Variants in PPP1R37 observed in about 807,000 individuals in gnomAD.
The protein encoded by PPP1R37 is leucine rich repeat containing 68.
A neutral mutation model predicts 61.0 loss-of-function variants in PPP1R37; 21 were observed. The observed-to-expected ratio is 0.34, with a 90% CI of 0.24 to 0.50. The LOEUF is 0.50. Ranked by LOEUF, PPP1R37 falls within the 20% of genes least tolerant of loss-of-function variation. PPP1R37 has a pLI of 0.98. For missense variants in PPP1R37, 910 were observed against 952.7 expected, an observed-to-expected ratio of 0.96 and a Z score of 0.59; for synonymous variants, 443 against 433.5, an observed-to-expected ratio of 1.02 and a Z score of -0.27.
intron 1 of PPP1R37, among the ~76,000 whole-genome samples, chr19:45,134,982 G>A (rs989774813): frequency 6.6e-6 from 1 of 152,174 alleles, no homozygotes; most frequent in Non-Finnish European, 1.5e-5. Context: ...GGGCACGGTG[G>A]CTCACGCCTG....
chr19:45,115,331 A>G (rs1306308215), intron 1 of PPP1R37, among the ~76,000 whole-genome samples: 1 of 152,192 alleles, frequency 6.6e-6, no homozygotes, highest in Non-Finnish European at 1.5e-5. Context: ...CATGGGGTCC[A>G]CCAACCAGAT....
At chr19:45,117,563 C>T (rs921882387) in intron 1 of PPP1R37, among the ~76,000 whole-genome samples, 2 of 152,106 alleles carry the variant, frequency 1.3e-5, no homozygotes, top group East Asian at 1.9e-4. Context: ...CTGCACAGGA[C>T]GTGGGTTTTC....
intron 1 of PPP1R37, among the ~76,000 whole-genome samples, chr19:45,096,312 A>G (rs1187983407): frequency 2.6e-5 from 4 of 152,124 alleles, no homozygotes; most frequent in African/African-American, 9.7e-5. Flanking sequence ...GAGGGCAGCA[A>G]GAGAGTCTGG....
At chr19:45,113,284 A>G (rs2030639746) in intron 1 of PPP1R37, among the ~76,000 whole-genome samples, 1 of 152,222 alleles carries the variant, frequency 6.6e-6, no homozygotes, top group African/African-American at 2.4e-5. Context: ...TTAGGGCTGT[A>G]TGGGGGCCAC....
chr19:45,103,786 A>G (rs573330580), intron 1 of PPP1R37, among the ~76,000 whole-genome samples: 30 of 152,244 alleles, frequency 2.0e-4, no homozygotes, highest in Non-Finnish European at 2.8e-4. Flanking sequence ...CTTTACATGC[A>G]TCGTTAATCT....
At chr19:45,100,638 C>A (rs147733185) in intron 1 of PPP1R37, among the ~76,000 whole-genome samples, 1 of 152,340 alleles carries the variant, frequency 6.6e-6, no homozygotes, top group East Asian at 1.9e-4. Flanking sequence ...CCCTGTGCGG[C>A]GGCTGAGTGC....
chr19:45,120,696 C>T (rs10408462), intron 1 of PPP1R37, among the ~76,000 whole-genome samples: 5,200 of 152,220 alleles, frequency 0.034, 302 homozygotes, highest in African/African-American at 0.12. Context: ...GGCGCTGTCT[C>T]ATTGCAACAT....
At chr19:45,145,018 G>C in intron 9 of PPP1R37, 23 bp downstream of exon 9, 2 of 1,523,430 alleles carry the variant, frequency 1.3e-6, no homozygotes, top group Non-Finnish European at 1.8e-6. Flanking sequence ...GCCGGGCCAG[G>C]GTGCGGGCTG....
intron 2 of PPP1R37, among the ~76,000 whole-genome samples, chr19:45,139,767 T>G (rs1259379060): frequency 1.3e-5 from 2 of 152,230 alleles, no homozygotes; most frequent in African/African-American, 2.4e-5. Flanking sequence ...AGGTGATGTG[T>G]GTAAGCTCAG....
Position 45,145,579 on chromosome 19 carries a change from A to T in PPP1R37, c.1523A>T (p.Asp508Val). The T allele has an allele frequency of 6.5e-7, 1 of 1,535,650 alleles. No individual in the cohort carries two copies. The highest frequency in any genetic ancestry group is 1.7e-4 in the Middle Eastern group (1 of 5,988). Residue 508 changes from aspartate (D) to valine (V), a missense_variant, in exon 11 of 13, where the codon GAC (aspartate) becomes GTC (valine). Physicochemically the swap from Asp to Val is radical, Grantham distance 152. Around this residue, in one of 3 missense-constraint regions of PPP1R37, gnomAD observed 549 missense variants for 505.1 expected, o/e 1.09. Coordinates refer to ENST00000221462, the MANE Select transcript of PPP1R37 (RefSeq NM_019121.2). ...GCACCCAGCCCGGACTCAGACTCAG[A>T]CTCGGACTCGGATGGGGAGGAAGAG... is the stretch of plus-strand genomic sequence containing the variant. ...SPAPSPDSDS[D>V]SDSDGEEEEE...
chr19:45,112,793 C>G (rs1020810961), intron 1 of PPP1R37, among the ~76,000 whole-genome samples: 3 of 152,172 alleles, frequency 2.0e-5, no homozygotes, highest in African/African-American at 7.2e-5. Context: ...CTGTTTCCAG[C>G]ATGACCCTGC....
intron 2 of PPP1R37, 90 bp downstream of exon 2, chr19:45,138,701 C>T (rs1968569331): frequency 1.3e-6 from 1 of 769,240 alleles, no homozygotes. Flanking sequence ...GCCTCCCACT[C>T]CCCAGCCCCA....
chr19:45,146,454 C>T lies in PPP1R37; in HGVS notation c.2058C>T (p.Ser686=), dbSNP rs565167696. ...EELLLEASQE[S]GQETL ...TGCTTCTGGAAGCCAGTCAGGAATC[C>T]GGGCAGGAGACACTGTGACACTTTA... is the stretch of plus-strand genomic sequence containing the variant. The change falls in exon 12 of 13, where the codon TCC becomes TCT. Residue 686 remains serine, a synonymous_variant. Coordinates refer to ENST00000221462, the MANE Select transcript of PPP1R37 (RefSeq NM_019121.2). 37 of 1,535,752 alleles carry T rather than the reference C, an allele frequency of 2.4e-5. No homozygotes were observed. The highest frequency in any genetic ancestry group is 2.8e-5 in the Non-Finnish European group (32 of 1,146,728).
chr19:45,133,166 C>T (rs553701206), intron 1 of PPP1R37, among the ~76,000 whole-genome samples: 4 of 152,304 alleles, frequency 2.6e-5, no homozygotes, highest in African/African-American at 9.6e-5. Context: ...CAACCTCCAC[C>T]TCCACCTCCC....
At chr19:45,097,648 G>T (rs1281719295) in intron 1 of PPP1R37, among the ~76,000 whole-genome samples, 2 of 152,062 alleles carry the variant, frequency 1.3e-5, no homozygotes, top group Non-Finnish European at 2.9e-5. Flanking sequence ...GGCTTATCCG[G>T]ATTCCCATCT....
intron 1 of PPP1R37, among the ~76,000 whole-genome samples, chr19:45,124,229 T>C (rs561223764): frequency 6.6e-6 from 1 of 152,064 alleles, no homozygotes; most frequent in Admixed American, 6.5e-5. Flanking sequence ...GGAGAAGGCA[T>C]CCCTAAGCTG....
At chr19:45,094,238 C>T (rs1600151845) in intron 1 of PPP1R37, among the ~76,000 whole-genome samples, 2 of 152,250 alleles carry the variant, frequency 1.3e-5, no homozygotes, top group East Asian at 1.9e-4. Context: ...CCCTCCTTGG[C>T]CTCCCAGAGT....
rs569641211 is a variant in PPP1R37, at chr19:45,103,321, C to T, written c.202+9794C>T. Among the ~76,000 whole-genome samples the T allele has an allele frequency of 2.2e-4, 34 of 152,360 alleles. 1 individual carries two copies. Among genetic ancestry groups the T allele is most frequent in the South Asian group, 1.9e-3 (9 of 4,830 alleles). ...GACTTGCCCAGCGCCCATCTCACTT[C>T]GCAGCGGAAGCCTGGGTCGGGAGCC... On this transcript the variant is annotated intron_variant, in intron 1 of 12. Transcript: ENST00000221462.
At chr19:45,093,916 G>A (rs1967957603) in intron 1 of PPP1R37, among the ~76,000 whole-genome samples, 1 of 152,242 alleles carries the variant, frequency 6.6e-6, no homozygotes, top group African/African-American at 2.4e-5. Flanking sequence ...AAGGGCAGTT[G>A]AAAGAGTTTG....
Sources: gnomAD v4.1 joint callset for allele counts (sites outside exome capture counted in the v4.1 genomes callset) on GRCh38, gnomAD v4.1.1 for gene constraint, gnomAD v4.1.1 regional missense constraint, MANE v1.5 for transcripts, NCBI Gene and HGNC (gene_info 2026-07-23, HGNC 2026-07-21) for gene names.